The following TBC1D12 variants were observed in gnomAD, a reference collection of about 807,000 sequenced individuals.
The protein encoded by TBC1D12 is TBC1 domain family member 12, also known as TBC1 domain family, member 12.
TBC1D12 carries 56 observed loss-of-function variants against 86.7 expected under a neutral mutation model. The ratio of observed to expected loss-of-function variants is 0.65; its 90% CI spans 0.52 to 0.81. The LOEUF is 0.81. TBC1D12 is among the 30% of genes least tolerant of loss of function. The pLI is 0.00. For synonymous variants in TBC1D12, 421 were observed against 411.7 expected (o/e 1.02, Z -0.27); for missense variants, 1,023 against 1,038.8 (o/e 0.98, Z 0.21).
intron 2 of TBC1D12, among the ~76,000 whole-genome samples, chr10:94,464,614 T>C (rs1024155287): frequency 1.1e-4 from 17 of 152,298 alleles, no homozygotes; most frequent in African/African-American, 2.9e-4. Context: ...TACAGGCACA[T>C]ACCACCATGT....
At chr10:94,479,941 A>G (rs1002484886) in intron 3 of TBC1D12, among the ~76,000 whole-genome samples, 8 of 152,204 alleles carry the variant, frequency 5.3e-5, no homozygotes, top group Admixed American at 3.9e-4. Context: ...CACCATATTG[A>G]GAAAAAACTT....
chr10:94,521,869 CT>C (rs1368978850), intron 9 of TBC1D12, 85 bp from the exon 10 acceptor site: 2 of 1,222,710 alleles, frequency 1.6e-6, no homozygotes, highest in Non-Finnish European at 1.1e-6. Flanking sequence ...TGTAATGTCA[CT>C]GTAATTTTTC....
intron 11 of TBC1D12, among the ~76,000 whole-genome samples, chr10:94,523,668 G>A (rs532872958): frequency 7.9e-5 from 12 of 151,920 alleles, no homozygotes; most frequent in Non-Finnish European, 8.8e-5. Flanking sequence ...ATTTTCTCTA[G>A]CTTAAAAAAA....
chr10:94,480,967 C>A (rs143467012), intron 3 of TBC1D12, among the ~76,000 whole-genome samples: 10 of 150,970 alleles, frequency 6.6e-5, no homozygotes, highest in African/African-American at 2.2e-4. Context: ...AAACAACATT[C>A]ATCTTTTTGT....
intron 9 of TBC1D12, among the ~76,000 whole-genome samples, chr10:94,515,333 T>G (rs2056578132): frequency 1.3e-5 from 2 of 151,116 alleles, no homozygotes; most frequent in Admixed American, 1.3e-4. Flanking sequence ...TATATAGGTT[T>G]GGTTTTTTTG....
intron 11 of TBC1D12, among the ~76,000 whole-genome samples, chr10:94,523,807 A>G (rs1037408444): frequency 6.6e-6 from 1 of 152,144 alleles, no homozygotes; most frequent in Non-Finnish European, 1.5e-5. Flanking sequence ...TACAAAAAAT[A>G]AAAATAAAAA....
At chr10:94,466,180 G>A (rs1344095765) in intron 2 of TBC1D12, among the ~76,000 whole-genome samples, 1 of 151,856 alleles carries the variant, frequency 6.6e-6, no homozygotes, top group East Asian at 1.9e-4. Context: ...GTGTACTGCT[G>A]TTTACCTCCT....
chr10:94,427,254 A>T (rs961611413), intron 1 of TBC1D12, among the ~76,000 whole-genome samples: 1 of 152,136 alleles, frequency 6.6e-6, no homozygotes, highest in Admixed American at 6.5e-5. Context: ...CCTTCTGGTG[A>T]CAAATATTTT....
At chr10:94,521,926 A>G (rs373424553) in intron 9 of TBC1D12, 29 bp from the exon 10 acceptor site, 1 of 1,544,438 alleles carries the variant, frequency 6.5e-7, no homozygotes, top group Non-Finnish European at 8.8e-7. Flanking sequence ...TTGTAAGTCC[A>G]TTTTGACTAA....
Position 94,402,725 on chromosome 10 carries a change from G to T in TBC1D12, c.112G>T (p.Gly38Cys). 1.3e-6 allele frequency: 2 copies of T among 1,569,960 alleles called. No individual in the cohort carries two copies. The highest frequency in any genetic ancestry group is 2.4e-5 in the East Asian group (1 of 42,350). Residue 38 changes from glycine to cysteine, a missense_variant, in exon 1 of 13, where the codon GGC becomes TGC. Gly to Cys is a radical substitution (Grantham distance 159). Around this residue, in one of 2 missense-constraint regions of TBC1D12, gnomAD observed 628 missense variants for 531.1 expected, o/e 1.18. Coordinates refer to ENST00000225235, the MANE Select transcript of TBC1D12 (RefSeq NM_015188.2). Reference protein sequence around the residue: ...QDRKVIRATGGFGGGVGAVEP... With the variant: ...QDRKVIRATGCFGGGVGAVEP... ...CAGGAAGGTAATCCGGGCCACGGGC[G>T]GCTTTGGCGGAGGCGTCGGCGCTGT...
intron 1 of TBC1D12, among the ~76,000 whole-genome samples, chr10:94,405,897 C>T (rs1389690417): frequency 6.6e-6 from 1 of 151,558 alleles, no homozygotes; most frequent in African/African-American, 2.4e-5. Flanking sequence ...GCAACCTCTG[C>T]CCCCCTGGGT....
intron 1 of TBC1D12, among the ~76,000 whole-genome samples, chr10:94,438,805 T>TA (rs1388449100): frequency 1.3e-5 from 2 of 152,032 alleles, no homozygotes; most frequent in Non-Finnish European, 2.9e-5. Context: ...TTTTTTTTTT[T>TA]AACTCTTACT....
chr10:94,498,513 G>C (rs2056353080), intron 5 of TBC1D12, among the ~76,000 whole-genome samples: 1 of 152,032 alleles, frequency 6.6e-6, no homozygotes. Flanking sequence ...GAGTGCAGTG[G>C]CGCGATCTCA....
At chr10:94,452,110 A>T (rs940162173) in intron 2 of TBC1D12, among the ~76,000 whole-genome samples, 135 of 150,848 alleles carry the variant, frequency 8.9e-4, no homozygotes, top group African/African-American at 2.6e-3. Context: ...ATTCATATAT[A>T]TTTAAATATA....
intron 2 of TBC1D12, among the ~76,000 whole-genome samples, chr10:94,444,732 T>A (rs949747282): frequency 1.7e-4 from 25 of 150,710 alleles, no homozygotes; most frequent in Admixed American, 2.6e-4. Context: ...CCTCACATTC[T>A]CTTTTTTTTT....
At chr10:94,474,877 G>C in intron 3 of TBC1D12, 94 bp downstream of exon 3, 1 of 1,123,538 alleles carries the variant, frequency 8.9e-7, no homozygotes. Flanking sequence ...GAAAGATATT[G>C]AGAAAGGATT....
At chr10:94,414,838 G>T (rs2054977843) in intron 1 of TBC1D12, among the ~76,000 whole-genome samples, 1 of 152,120 alleles carries the variant, frequency 6.6e-6, no homozygotes, top group Admixed American at 6.5e-5. Flanking sequence ...GACCTGAAGT[G>T]ATCCGCCCAC....
intron 10 of TBC1D12, 101 bp downstream of exon 10, chr10:94,522,184 CTT>C (rs1842170531): frequency 5.1e-6 from 7 of 1,382,266 alleles, no homozygotes; most frequent in Non-Finnish European, 6.9e-6. Flanking sequence ...CTAATATAAA[CTT>C]ATCATTATAT....
At position 94,402,566 on chromosome 10, in the gene TBC1D12, G is replaced by A. The variant is rs1203487907; in HGVS notation, c.-48G>A. 2.5e-6 allele frequency: 4 copies of A among 1,600,628 alleles called. No individual in the cohort carries two copies. Among genetic ancestry groups the A allele is most frequent in the African/African-American group, 2.7e-5 (2 of 74,286 alleles). On this transcript the variant is annotated 5_prime_UTR_variant, in exon 1 of 13. Coordinates refer to ENST00000225235, the MANE Select transcript of TBC1D12 (RefSeq NM_015188.2). ...AGAGCTGTTCTCTGGCCAAGCCTGC[G>A]CCTGTAGTCCTTCTTTGCCTCCTGG...
Sources: allele counts gnomAD v4.1 joint callset (sites outside exome capture counted in the v4.1 genomes callset), GRCh38; gene constraint gnomAD v4.1.1; regional missense constraint gnomAD v4.1.1; transcripts MANE v1.5; gene names NCBI Gene and HGNC (gene_info 2026-07-23, HGNC 2026-07-21).